OPCML: variants seen among roughly 807,000 people sequenced by gnomAD.
OPCML encodes opioid-binding protein/cell adhesion molecule.
In OPCML, 13 loss-of-function variants were observed where a neutral mutation model predicts 37.8. The observed-to-expected ratio is 0.34, with a 90% CI of 0.22 to 0.55. OPCML has a LOEUF of 0.55. OPCML is among the 20% of genes least tolerant of loss of function. The pLI is 0.91. For synonymous variants in OPCML, 176 were observed against 168.8 expected, an observed-to-expected ratio of 1.04 and a Z score of -0.33; for missense variants, 341 against 435.6, an observed-to-expected ratio of 0.78 and a Z score of 1.93.
chr11:133,286,982 C>T (rs1444324131), intron 1 of OPCML, among the ~76,000 whole-genome samples: 1 of 152,076 alleles, frequency 6.6e-6, no homozygotes, highest in Non-Finnish European at 1.5e-5. Flanking sequence ...TTATCTTCTG[C>T]GCACTGCCTG....
chr11:132,453,499 C>T (rs948453795), intron 4 of OPCML, among the ~76,000 whole-genome samples: 1 of 152,026 alleles, frequency 6.6e-6, no homozygotes, highest in Admixed American at 6.6e-5. Flanking sequence ...ACAAAAGGAC[C>T]GCAGAAAAAT....
intron 2 of OPCML, among the ~76,000 whole-genome samples, chr11:132,873,723 A>C (rs979195123): frequency 2.6e-5 from 4 of 152,084 alleles, no homozygotes; most frequent in African/African-American, 4.8e-5. Context: ...CACAAAAAAA[A>C]AAAAAAAAGG....
intron 1 of OPCML, among the ~76,000 whole-genome samples, chr11:133,080,995 T>C (rs1040167627): frequency 2.0e-5 from 3 of 152,034 alleles, no homozygotes; most frequent in African/African-American, 7.2e-5. Context: ...CGCCAGGCCT[T>C]ATTAGCTTTT....
At chr11:133,362,913 C>A (rs1944455783) in intron 1 of OPCML, among the ~76,000 whole-genome samples, 2 of 152,200 alleles carry the variant, frequency 1.3e-5, no homozygotes, top group South Asian at 4.1e-4. Context: ...TGCAATAGCT[C>A]TGTGCCCTAA....
intron 4 of OPCML, among the ~76,000 whole-genome samples, chr11:132,501,281 A>G (rs2096245020): frequency 6.6e-6 from 1 of 152,252 alleles, no homozygotes. Context: ...AAAACCCTCG[A>G]AGAAAAACCT....
chr11:132,934,018 G>T (rs1591821355), intron 2 of OPCML, among the ~76,000 whole-genome samples: 1 of 152,140 alleles, frequency 6.6e-6, no homozygotes, highest in African/African-American at 2.4e-5. Flanking sequence ...GGATAGTCAA[G>T]GTGGACCAAT....
intron 2 of OPCML, among the ~76,000 whole-genome samples, chr11:132,829,161 T>A (rs987585666): frequency 6.6e-6 from 1 of 152,228 alleles, no homozygotes; most frequent in Non-Finnish European, 1.5e-5. Flanking sequence ...AAGTTATACT[T>A]GTTTATGCTA....
chr11:133,368,537 C>T (rs1342809940), intron 1 of OPCML, among the ~76,000 whole-genome samples: 2 of 152,118 alleles, frequency 1.3e-5, no homozygotes. Context: ...AGAACAGGTC[C>T]TTGGAGAGTT....
chr11:133,048,905 TTCAG>T (rs1224571507), intron 1 of OPCML, among the ~76,000 whole-genome samples: 3 of 152,218 alleles, frequency 2.0e-5, no homozygotes, highest in Admixed American at 6.5e-5. Flanking sequence ...CATTAATAAA[TTCAG>T]TCAGTTTGAA....
intron 2 of OPCML, among the ~76,000 whole-genome samples, chr11:132,912,459 A>G (rs1480129113): frequency 1.3e-5 from 2 of 152,212 alleles, no homozygotes; most frequent in Non-Finnish European, 2.9e-5. Flanking sequence ...CATCATCAAC[A>G]CTAACATCAA....
chr11:132,432,513 C>G (rs1168856997), intron 7 of OPCML, among the ~76,000 whole-genome samples: 1 of 152,180 alleles, frequency 6.6e-6, no homozygotes, highest in Non-Finnish European at 1.5e-5. Context: ...TTGACCTTCC[C>G]AAAGCCATTC....
At chr11:133,488,934 G>A (rs539333268) in intron 1 of OPCML, among the ~76,000 whole-genome samples, 23 of 119,082 alleles carry the variant, frequency 1.9e-4, no homozygotes, top group Admixed American at 4.7e-4. Flanking sequence ...CCATGTACCT[G>A]CAACCAGCTG....
intron 4 of OPCML, among the ~76,000 whole-genome samples, chr11:132,484,683 G>A (rs1053961395): frequency 1.1e-4 from 17 of 152,130 alleles, no homozygotes; most frequent in African/African-American, 3.6e-4. Flanking sequence ...GTCCAACAAC[G>A]ATAGACTGGA....
At chr11:132,818,334 T>C (rs1040098271) in intron 2 of OPCML, among the ~76,000 whole-genome samples, 1 of 152,126 alleles carries the variant, frequency 6.6e-6, no homozygotes, top group African/African-American at 2.4e-5. Context: ...AACAACACAT[T>C]TAAATCAGTG....
At chr11:133,132,087 G>A (rs573595878) in intron 1 of OPCML, among the ~76,000 whole-genome samples, 44 of 152,228 alleles carry the variant, frequency 2.9e-4, no homozygotes, top group South Asian at 1.7e-3. Context: ...ACATTGTATA[G>A]AAAACTAAAA....
intron 1 of OPCML, among the ~76,000 whole-genome samples, chr11:133,232,951 A>C (rs1263313830): frequency 6.6e-6 from 1 of 152,200 alleles, no homozygotes; most frequent in Non-Finnish European, 1.5e-5. Flanking sequence ...GGATGGCATC[A>C]GGGGTGCTGT....
intron 1 of OPCML, among the ~76,000 whole-genome samples, chr11:133,410,883 C>A (rs2136866927): frequency 6.6e-6 from 1 of 152,232 alleles, no homozygotes; most frequent in Non-Finnish European, 1.5e-5. Flanking sequence ...CTGAGAAGAG[C>A]CTCATTTAAC....
chr11:133,122,320 G>T (rs1949434714), intron 1 of OPCML, among the ~76,000 whole-genome samples: 1 of 151,570 alleles, frequency 6.6e-6, no homozygotes, highest in Non-Finnish European at 1.5e-5. Flanking sequence ...AATCTTCTTG[G>T]GACTTCCTGT....
chr11:132,976,081 G>C (rs1259251453), intron 1 of OPCML, among the ~76,000 whole-genome samples: 1 of 152,172 alleles, frequency 6.6e-6, no homozygotes, highest in African/African-American at 2.4e-5. Flanking sequence ...ACTGATATCT[G>C]CTTTTGACTC....
Sources: gnomAD v4.1 joint callset for allele counts (sites outside exome capture counted in the v4.1 genomes callset) on GRCh38, gnomAD v4.1.1 for gene constraint, MANE v1.5 for transcripts, NCBI Gene and HGNC (gene_info 2026-07-23, HGNC 2026-07-21) for gene names.